The following C19orf38 variants were observed in gnomAD, a reference collection of about 807,000 sequenced individuals.
C19orf38 encodes chromosome 19 open reading frame 38.
In C19orf38, 14 loss-of-function variants were observed where a neutral mutation model predicts 26.6. The ratio of observed to expected loss-of-function variants is 0.53; its 90% CI spans 0.35 to 0.82. The LOEUF is 0.82. C19orf38 is among the 40% of genes least tolerant of loss of function. C19orf38 has a pLI of 0.01. For synonymous variants in C19orf38, 132 were observed against 128.5 expected (o/e 1.03, Z -0.18); for missense variants, 261 against 299.5 (o/e 0.87, Z 0.95).
chr19:10,853,900 T>G (rs1357825583), intron 2 of C19orf38, among the ~76,000 whole-genome samples: 1 of 122,484 alleles, frequency 8.2e-6, no homozygotes, highest in Non-Finnish European at 1.7e-5. Flanking sequence ...CCGGCTAATG[T>G]TTTTTTTTTT....
At chr19:10,859,759 T>C (rs551762235) in intron 4 of C19orf38, among the ~76,000 whole-genome samples, 156 bp from the exon 5 acceptor site, 1 of 152,166 alleles carries the variant, frequency 6.6e-6, no homozygotes, top group South Asian at 2.1e-4. Context: ...GAAATCAGGA[T>C]GTTACTGCTC....
At chr19:10,858,233 A>AAAAC in intron 3 of C19orf38, 83 bp from the exon 4 acceptor site, 2 of 1,122,738 alleles carry the variant, frequency 1.8e-6, no homozygotes. Context: ...GTCTAAAAAA[A>AAAAC]AAAAAAAAAA....
intron 2 of C19orf38, among the ~76,000 whole-genome samples, chr19:10,853,379 G>A (rs929697436): frequency 3.3e-5 from 5 of 151,178 alleles, no homozygotes; most frequent in East Asian, 2.0e-4. Context: ...CTCTACCTCC[G>A]AGGTTCAAGC....
rs1364785659 is a variant in C19orf38 at position 10,850,386 on chromosome 19, A to G, written c.159A>G (p.Arg53=). The change falls in exon 2 of 7, where the codon CGA becomes CGG. Residue 53 remains arginine (R), a synonymous_variant. Coordinates refer to ENST00000397820, the MANE Select transcript of C19orf38 (RefSeq NM_001136482.3). ...CGGGGGCGAATTTCACACTGTATCG[A>G]GGGGGGCAGGTGGTCCAGCTCCTGC... ...NFPGANFTLY[R]GGQVVQLLQA... The G allele has an allele frequency of 6.4e-7, 1 of 1,550,794 alleles. No homozygotes were observed. The highest frequency in any genetic ancestry group is 1.4e-5 in the African/African-American group (1 of 72,962).
chr19:10,843,881 G>A (rs1216440818), upstream of C19orf38, among the ~76,000 whole-genome samples: 3 of 152,186 alleles, frequency 2.0e-5, no homozygotes, highest in African/African-American at 7.2e-5. Flanking sequence ...CACTTCGGGA[G>A]GTGGGCGGAT....
chr19:10,837,049 T>G (rs2073437627), intron 1 of C19orf38, among the ~76,000 whole-genome samples: 1 of 152,198 alleles, frequency 6.6e-6, no homozygotes, highest in South Asian at 2.1e-4. Context: ...CACCCATTAC[T>G]TGAGGCATTC....
At position 10,863,175 on chromosome 19, in the gene C19orf38, T is replaced by G; in HGVS notation, c.511T>G (p.Ser171Ala). ...AQINFDSTDM[S>A]FDNSLFTVSA... ...TCTTTCTCTTTCTGTTTCAGACATG[T>G]CCTTCGATAACTCCCTGTTTACCGT... The change falls in exon 6 of 7, where the codon TCC (serine) becomes GCC (alanine). Residue 171 changes from serine (S) to alanine (A), a missense_variant. By Grantham distance (99) the Ser-to-Ala change is moderately conservative (BLOSUM62 1). Transcript: ENST00000397820. 6.4e-7 allele frequency: 1 copy of G among 1,551,488 alleles called. No homozygotes were observed. Among genetic ancestry groups the G allele is most frequent in the Non-Finnish European group, 8.7e-7 (1 of 1,146,858 alleles).
intron 6 of C19orf38, 119 bp from the exon 7 acceptor site, chr19:10,869,099 G>A (rs1052979768): frequency 2.3e-6 from 3 of 1,310,192 alleles, no homozygotes; most frequent in Non-Finnish European, 3.2e-6. Context: ...GGTGTGGGTG[G>A]GGGCGGGATG....
intron 6 of C19orf38, among the ~76,000 whole-genome samples, chr19:10,866,126 C>G (rs957886995): frequency 1.1e-4 from 16 of 151,820 alleles, no homozygotes; most frequent in Non-Finnish European, 1.0e-4. Flanking sequence ...GCAACCTCCC[C>G]CCCTGGGTTC....
upstream of C19orf38, among the ~76,000 whole-genome samples, chr19:10,848,203 TA>T (rs548609491): frequency 1.2e-3 from 186 of 149,508 alleles, no homozygotes; most frequent in Middle Eastern, 3.4e-3. Flanking sequence ...AAAATAAAAA[TA>T]AAAAAAGAGG....
At position 10,856,332 on chromosome 19, in the gene C19orf38, G is replaced by A. The variant is rs1436984515; in HGVS notation, c.408G>A (p.Val136=). 3.7e-5 allele frequency: 58 copies of A among 1,551,112 alleles called. No individual in the cohort carries two copies. Among genetic ancestry groups the A allele is most frequent in the Non-Finnish European group, 4.8e-5 (55 of 1,146,698 alleles). Residue 136 remains valine, a synonymous_variant, in exon 3 of 7, where the codon GTG becomes GTA. Transcript: ENST00000397820. The part of the protein sequence containing the change: ...AGALFLLAGL[V]AVALVVRKVK... ...CCCTCTTCCTCCTTGCTGGGCTGGT[G>A]GCTGTTGCCCTGGTGGTCAGAAAAG...
intron 1 of C19orf38, among the ~76,000 whole-genome samples, chr19:10,841,024 A>G (rs1351339915): frequency 6.7e-6 from 1 of 148,782 alleles, no homozygotes; most frequent in African/African-American, 2.5e-5. Context: ...AAGGTTGAGC[A>G]TCTTCTTATC....
upstream of C19orf38, among the ~76,000 whole-genome samples, chr19:10,847,549 A>G (rs528560760): frequency 5.6e-4 from 84 of 150,372 alleles, no homozygotes; most frequent in African/African-American, 1.9e-3. Context: ...AATTTTTTGT[A>G]TATAGTAGAG....
chr19:10,837,897 T>C (rs2073448741), intron 1 of C19orf38, among the ~76,000 whole-genome samples: 1 of 151,942 alleles, frequency 6.6e-6, no homozygotes, highest in South Asian at 2.1e-4. Context: ...CCTCCTGGGC[T>C]CAAGTGATTC....
chr19:10,838,559 G>T (rs1356649909), intron 1 of C19orf38, among the ~76,000 whole-genome samples: 2 of 152,080 alleles, frequency 1.3e-5, no homozygotes, highest in Non-Finnish European at 2.9e-5. Context: ...ATTCTGAAAC[G>T]GCCTCGTTGT....
intron 3 of C19orf38, among the ~76,000 whole-genome samples, chr19:10,857,928 AAG>A (rs1401840905): frequency 2.9e-5 from 4 of 136,310 alleles, no homozygotes; most frequent in East Asian, 2.5e-4. Flanking sequence ...GAAAGAAAGA[AAG>A]AAAAATCTGA....
Position 10,863,061 on chromosome 19 carries a change from T to G in C19orf38, c.506-109T>G, listed in dbSNP as rs776855509. The G allele has an allele frequency of 4.7e-4, 533 of 1,137,818 alleles. 1 individual carries two copies. The highest frequency in any genetic ancestry group is 5.9e-4 in the Non-Finnish European group (461 of 776,362). 70.5% of individuals were successfully genotyped at this position (1,137,818 alleles called of 1,614,324 possible). A position where few individuals can be genotyped will look rare whatever the true frequency, so the allele number is the denominator to read the frequency against. On this transcript the variant is annotated intron_variant, in intron 5 of 6. Coordinates refer to ENST00000397820, the MANE Select transcript of C19orf38 (RefSeq NM_001136482.3). The stretch of plus-strand genomic sequence containing the variant: ...AGGCGCCATAGAGGATGCTGGGAGA[T>G]GGACCCCAATTGCTTCCCTGTGGGC...
upstream of C19orf38, among the ~76,000 whole-genome samples, chr19:10,847,369 CTTTTTTTTTTT>C (rs918277367): frequency 7.9e-6 from 1 of 125,938 alleles, no homozygotes; most frequent in Non-Finnish European, 1.7e-5. Flanking sequence ...GTCCACTGCT[CTTTTTTTTTTT>C]TTTTTTTTTT....
chr19:10,862,201 GTT>G (rs566409872), intron 5 of C19orf38, among the ~76,000 whole-genome samples: 4 of 120,898 alleles, frequency 3.3e-5, no homozygotes, highest in African/African-American at 9.3e-5. Flanking sequence ...CGCCCAGCCT[GTT>G]TTTTTTTTTT....
Sources: allele counts gnomAD v4.1 joint callset (sites outside exome capture counted in the v4.1 genomes callset), GRCh38; gene constraint gnomAD v4.1.1; transcripts MANE v1.5; gene names NCBI Gene and HGNC (gene_info 2026-07-23, HGNC 2026-07-21).